Variants in TMEM143 observed in about 807,000 individuals in gnomAD.
TMEM143 encodes transmembrane protein 143.
TMEM143 carries 45 observed loss-of-function variants against 40.3 expected under a neutral mutation model. That is an observed-to-expected ratio of 1.12 (90% CI 0.88 to 1.43). The LOEUF (loss-of-function observed/expected upper bound fraction) is 1.43. Among genes scored for constraint, TMEM143 ranks in the 40% most tolerant of loss-of-function variants. The pLI, the probability that TMEM143 is intolerant of heterozygous loss-of-function variation, is 0.00. For missense variants in TMEM143, 620 were observed against 613.4 expected, an observed-to-expected ratio of 1.01 and a Z score of -0.11; for synonymous variants, 299 against 282.7, an observed-to-expected ratio of 1.06 and a Z score of -0.58.
chr19:48,334,267 C>T (rs1969292360), intron 6 of TMEM143, 70 bp from the exon 7 acceptor site: 3 of 1,475,250 alleles, frequency 2.0e-6, no homozygotes, highest in Non-Finnish European at 2.7e-6. Context: ...CCCCCGGGGT[C>T]ACCCCCGCTG....
chr19:48,333,497 C>A lies in TMEM143; in HGVS notation c.1166-64G>T. ...GATCGGGGAAGATTCGAGGGAGCAGCAAGGAGGGGCGTAGGGCAAAGAACA... is the reference window on the plus strand; with the variant it reads ...GATCGGGGAAGATTCGAGGGAGCAGAAAGGAGGGGCGTAGGGCAAAGAACA... On this transcript the variant is annotated intron_variant, in intron 7 of 7. Coordinates refer to ENST00000293261, the MANE Select transcript of TMEM143 (RefSeq NM_018273.4). The surrounding 1 kb of genome is among the most constrained non-coding windows in gnomAD (Gnocchi z 4.1). The A allele has an allele frequency of 8.6e-7, 1 of 1,162,072 alleles. No homozygotes were observed. The highest frequency in any genetic ancestry group is 1.2e-6 in the Non-Finnish European group (1 of 805,850). The allele number at this position is 1,162,072 out of a possible 1,614,324, so 72.0% of individuals were successfully genotyped here.
chr19:48,347,383 G>T (rs1969657838), intron 3 of TMEM143, among the ~76,000 whole-genome samples: 1 of 152,046 alleles, frequency 6.6e-6, no homozygotes, highest in South Asian at 2.1e-4. Flanking sequence ...GAAGCCCAGG[G>T]CCTCAGAAAC....
In TMEM143 at chr19:48,342,572, C is replaced by T. The variant is rs757158559; in HGVS notation, c.933G>A (p.Leu311=). The stretch of plus-strand genomic sequence containing the variant: ...CCATGAAGATGGCGAAGAGCAGCAG[C>T]AGCAGGGAGGTGGCCACCTTGAGGT... The part of the protein sequence containing the change: ...LTDLKVATSL[L]LLLFAIFMGL... The change falls in exon 6 of 8, where the codon CTG becomes CTA. Residue 311 remains leucine, a synonymous_variant. Coordinates refer to ENST00000293261, the MANE Select transcript of TMEM143 (RefSeq NM_018273.4). 2 of 1,612,738 alleles carry T rather than the reference C, an allele frequency of 1.2e-6. No individual in the cohort carries two copies. The highest frequency in any genetic ancestry group is 1.7e-6 in the Non-Finnish European group (2 of 1,179,796).
intron 6 of TMEM143, among the ~76,000 whole-genome samples, chr19:48,336,843 C>G (rs1179435539): frequency 1.3e-5 from 2 of 151,720 alleles, no homozygotes; most frequent in African/African-American, 4.8e-5. Context: ...CGGTGAAACC[C>G]TGTATCTACT....
rs1569040515 is a variant in TMEM143, at chr19:48,363,279, G to C, written c.264+12C>G. The C allele has an allele frequency of 2.5e-6, 4 of 1,609,436 alleles. No homozygotes were observed. In the Admixed American group the frequency reaches 6.7e-5, roughly 27 times the overall value. On this transcript the variant is annotated intron_variant, in intron 2 of 7. Transcript: ENST00000293261. The stretch of plus-strand genomic sequence containing the variant: ...GTAGTCCCCAGGCTCTTGGGCCTGG[G>C]ACAGGCGGTACCTGTATTAGGAGGC...
At chr19:48,336,038 T>C (rs1047851305) in intron 6 of TMEM143, among the ~76,000 whole-genome samples, 8 of 152,102 alleles carry the variant, frequency 5.3e-5, no homozygotes, top group Non-Finnish European at 1.5e-5. Flanking sequence ...TCATCCTTGA[T>C]ATTGGTAAGG....
At chr19:48,339,360 A>G (rs961624098) in intron 6 of TMEM143, among the ~76,000 whole-genome samples, 1 of 152,152 alleles carries the variant, frequency 6.6e-6, no homozygotes, top group African/African-American at 2.4e-5. Flanking sequence ...TGATCTGATC[A>G]TGGACAGTAG....
At chr19:48,361,719 C>T (rs979448046) in intron 2 of TMEM143, among the ~76,000 whole-genome samples, 27 of 151,250 alleles carry the variant, frequency 1.8e-4, no homozygotes, top group Non-Finnish European at 2.4e-4. Flanking sequence ...TTAGTAGAGA[C>T]GGTTTCATCG....
chr19:48,349,410 A>C (rs1294029346), intron 3 of TMEM143, among the ~76,000 whole-genome samples: 1 of 152,212 alleles, frequency 6.6e-6, no homozygotes, highest in African/African-American at 2.4e-5. Flanking sequence ...TGGGAGAACA[A>C]GGCAGGAAGG....
chr19:48,339,997 G>A (rs1463465439), intron 6 of TMEM143, among the ~76,000 whole-genome samples: 3 of 151,966 alleles, frequency 2.0e-5, no homozygotes, highest in Admixed American at 1.3e-4. Flanking sequence ...CCAAAGTGCT[G>A]GGATTACAGG....
intron 3 of TMEM143, among the ~76,000 whole-genome samples, chr19:48,357,386 A>C (rs1420493430): frequency 2.5e-5 from 1 of 40,296 alleles, no homozygotes; most frequent in African/African-American, 1.0e-4. Context: ...ACGGAGTCTC[A>C]CTCTATCGCC....
intron 4 of TMEM143, among the ~76,000 whole-genome samples, chr19:48,344,757 A>C (rs1969583078): frequency 1.3e-5 from 2 of 151,984 alleles, no homozygotes; most frequent in Non-Finnish European, 2.9e-5. Context: ...CCCAGGCTGG[A>C]GTGCAATGGC....
intron 6 of TMEM143, among the ~76,000 whole-genome samples, chr19:48,341,789 A>C (rs1969492290): frequency 6.6e-6 from 1 of 151,884 alleles, no homozygotes; most frequent in African/African-American, 2.4e-5. Flanking sequence ...CTTCCAGAAC[A>C]CACCCCCTTC....
intron 6 of TMEM143, among the ~76,000 whole-genome samples, chr19:48,335,624 G>A (rs1309837582): frequency 2.0e-5 from 3 of 152,196 alleles, no homozygotes; most frequent in African/African-American, 7.2e-5. Flanking sequence ...CCGGGAGGCT[G>A]AGGCAGGAGA....
intron 3 of TMEM143, among the ~76,000 whole-genome samples, chr19:48,345,674 T>C (rs1315379279): frequency 1.3e-5 from 2 of 151,830 alleles, no homozygotes; most frequent in Non-Finnish European, 2.9e-5. Flanking sequence ...TTTCACTGTG[T>C]TGCCCAGGCT....
intron 6 of TMEM143, among the ~76,000 whole-genome samples, chr19:48,341,656 G>A (rs1208251765): frequency 6.6e-6 from 1 of 152,174 alleles, no homozygotes; most frequent in East Asian, 1.9e-4. Flanking sequence ...ACCTCTATGA[G>A]TTAGGTCCCA....
At chr19:48,360,759 AATATC>A (rs928359767) in intron 2 of TMEM143, among the ~76,000 whole-genome samples, 61 of 152,168 alleles carry the variant, frequency 4.0e-4, no homozygotes, top group African/African-American at 1.3e-3. Flanking sequence ...TTGACAGTGT[AATATC>A]ATCCTCCAGA....
chr19:48,334,414 CTCTCTTTCTTTCTTTCTT>C (rs1327904258), intron 6 of TMEM143, among the ~76,000 whole-genome samples: 20 of 103,582 alleles, frequency 1.9e-4, no homozygotes, highest in Middle Eastern at 5.2e-3. Flanking sequence ...CTTTCTTTTT[CTCTCTTTCTTTCTTTCTT>C]TCTTTCTTTC....
chr19:48,348,902 G>A (rs903493946), intron 3 of TMEM143, among the ~76,000 whole-genome samples: 3 of 152,140 alleles, frequency 2.0e-5, no homozygotes, highest in Admixed American at 6.6e-5. Context: ...TTGGCTGGGC[G>A]CGATTGCTCA....
Sources: allele counts gnomAD v4.1 joint callset (sites outside exome capture counted in the v4.1 genomes callset), GRCh38; gene constraint gnomAD v4.1.1; non-coding constraint Gnocchi (gnomAD v3.1); transcripts MANE v1.5; gene names NCBI Gene and HGNC (gene_info 2026-07-23, HGNC 2026-07-21).